The following ROBO2 variants were observed in gnomAD, a reference collection of about 807,000 sequenced individuals.
The protein encoded by ROBO2 is roundabout guidance receptor 2.
A neutral mutation model predicts 160.8 loss-of-function variants in ROBO2; 53 were observed. The ratio of observed to expected loss-of-function variants is 0.33; its 90% CI spans 0.26 to 0.41. The LOEUF is 0.41. Among genes scored for constraint, ROBO2 ranks in the 10% least tolerant of loss-of-function variants. The pLI is 1.00. For missense variants in ROBO2, 1,577 were observed against 1,722.4 expected (o/e 0.92, Z 1.49); for synonymous variants, 664 against 611.7 (o/e 1.09, Z -1.26).
At chr3:76,019,860 G>A (rs1354510180) in intron 2 of ROBO2, among the ~76,000 whole-genome samples, 1 of 142,696 alleles carries the variant, frequency 7.0e-6, no homozygotes, top group Non-Finnish European at 1.5e-5. Flanking sequence ...CTTGGAATTG[G>A]CTAATATTTG....
At chr3:76,111,894 C>A (rs914314182) in intron 2 of ROBO2, among the ~76,000 whole-genome samples, 2 of 152,120 alleles carry the variant, frequency 1.3e-5, no homozygotes, top group East Asian at 3.9e-4. Flanking sequence ...AAGGTCCTCA[C>A]TGAATATTGA....
chr3:77,422,515 A>G (rs1296149408), intron 2 of ROBO2, among the ~76,000 whole-genome samples: 1 of 152,194 alleles, frequency 6.6e-6, no homozygotes, highest in Non-Finnish European at 1.5e-5. Flanking sequence ...TCTGGAATCA[A>G]TCTGTTCCTA....
At chr3:76,211,768 T>C (rs1001534614) in intron 2 of ROBO2, among the ~76,000 whole-genome samples, 92 of 152,194 alleles carry the variant, frequency 6.0e-4, no homozygotes, top group African/African-American at 2.0e-3. Flanking sequence ...CTTTCAATGA[T>C]GGATAAAAGA....
In ROBO2 at chr3:76,896,093, C is replaced by T. The variant is rs74634480; in HGVS notation, c.110-201921C>T. Among the ~76,000 whole-genome samples, 703 of 152,258 alleles carry T rather than the reference C, an allele frequency of 4.6e-3. 9 individuals carry two copies. Among genetic ancestry groups the T allele is most frequent in the African/African-American group, 0.016 (677 of 41,566 alleles). On this transcript the variant is annotated intron_variant, in intron 2 of 26. Transcript: ENST00000487694. ...CATATTTGAGAGTTCAGTGTCTCCT[C>T]CGCCTCTGGCAGAAAGAAAAACCCA...
At chr3:76,887,399 T>C (rs952975188) in intron 2 of ROBO2, among the ~76,000 whole-genome samples, 7 of 151,850 alleles carry the variant, frequency 4.6e-5, no homozygotes, top group African/African-American at 1.5e-4. Flanking sequence ...AAATAAATAA[T>C]AAAATAAAGC....
Position 77,074,048 on chromosome 3 carries a change from A to G in ROBO2, c.62-23966A>G, listed in dbSNP as rs550996946. 2.6e-5 allele frequency among the ~76,000 whole-genome samples: 4 copies of G among 152,348 alleles called. No homozygotes were observed. The East Asian group carries it at 7.7e-4, about 29-fold the overall frequency. On this transcript the variant is annotated intron_variant, in intron 1 of 25. Coordinates refer to ENST00000461745, the Ensembl canonical transcript of ROBO2. Reference sequence around the variant, plus strand: ...TGGAAGTGTTTTACATCACCAGGGAACATCCTGAATGTACAAATGAAGACA... The same window carrying G: ...TGGAAGTGTTTTACATCACCAGGGAGCATCCTGAATGTACAAATGAAGACA...
At chr3:76,861,220 G>A (rs190556182) in intron 2 of ROBO2, among the ~76,000 whole-genome samples, 43 of 152,252 alleles carry the variant, frequency 2.8e-4, no homozygotes, top group African/African-American at 1.0e-3. Flanking sequence ...AAGGGCACTG[G>A]AACTCATATT....
intron 2 of ROBO2, among the ~76,000 whole-genome samples, chr3:76,478,742 C>T (rs901852210): frequency 1.4e-5 from 2 of 143,230 alleles, no homozygotes; most frequent in East Asian, 2.0e-4. Context: ...AGTGCAGTGG[C>T]ATAATTACTG....
chr3:77,053,869 C>T (rs1284809447), intron 1 of ROBO2, among the ~76,000 whole-genome samples: 1 of 152,064 alleles, frequency 6.6e-6, no homozygotes, highest in Non-Finnish European at 1.5e-5. Context: ...GGGATAAGTA[C>T]AGGAGTTGGC....
At chr3:76,890,222 G>T (rs868104179) in intron 2 of ROBO2, among the ~76,000 whole-genome samples, 18 of 92,144 alleles carry the variant, frequency 2.0e-4, no homozygotes, top group African/African-American at 6.9e-4. Flanking sequence ...TTTACATATC[G>T]TATGCTATTT....
chr3:76,810,372 AGT>A (rs1368605466), intron 2 of ROBO2, among the ~76,000 whole-genome samples: 1 of 152,174 alleles, frequency 6.6e-6, no homozygotes, highest in African/African-American at 2.4e-5. Flanking sequence ...CTTGGACCAC[AGT>A]TACTTTTCAA....
chr3:77,324,333 T>A (rs1235442617), intron 2 of ROBO2, among the ~76,000 whole-genome samples: 1 of 152,178 alleles, frequency 6.6e-6, no homozygotes, highest in African/African-American at 2.4e-5. Context: ...CTTTACCAAC[T>A]GTGATGAAAA....
intron 2 of ROBO2, among the ~76,000 whole-genome samples, chr3:76,583,169 T>G (rs145845822): frequency 1.3e-3 from 196 of 152,288 alleles, no homozygotes; most frequent in African/African-American, 4.7e-3. Flanking sequence ...GTTGTAAATA[T>G]CACATGGATT....
intron 2 of ROBO2, among the ~76,000 whole-genome samples, chr3:76,616,317 A>G (rs1287303336): frequency 6.6e-6 from 1 of 152,164 alleles, no homozygotes; most frequent in Non-Finnish European, 1.5e-5. Flanking sequence ...AGCTGAGTTA[A>G]TGTAGAAACT....
At chr3:76,965,811 T>TATATATATATA (rs2059255670) in intron 2 of ROBO2, among the ~76,000 whole-genome samples, 1 of 94,728 alleles carries the variant, frequency 1.1e-5, no homozygotes, top group African/African-American at 5.4e-5. Flanking sequence ...ATATATATAT[T>TATATATATATA]TCTTTAATAT....
chr3:77,109,191 G>A (rs1010369149), intron 2 of ROBO2, among the ~76,000 whole-genome samples: 11 of 152,176 alleles, frequency 7.2e-5, no homozygotes, highest in Admixed American at 7.2e-4. Flanking sequence ...ACCTTCTACT[G>A]GTCGGTACTC....
rs79890844 is a variant in ROBO2 at position 77,498,262 on chromosome 3, C to A, written c.806+4880C>A. On this transcript the variant is annotated intron_variant, in intron 5 of 25. Transcript: ENST00000461745. ...AATAAGAACTTCTCTCTTCCACAGC[C>A]GAGAAAGGAATGTTCATAATAGCTT... Among the ~76,000 whole-genome samples the A allele has an allele frequency of 2.9e-4, 44 of 151,906 alleles. No homozygotes were observed. The East Asian group carries it at 4.8e-3, about 17-fold the overall frequency.
intron 2 of ROBO2, among the ~76,000 whole-genome samples, chr3:76,094,926 C>A (rs903034140): frequency 6.6e-6 from 1 of 152,090 alleles, no homozygotes; most frequent in East Asian, 1.9e-4. Context: ...TGAGATGGGA[C>A]AACTGACTGA....
chr3:76,335,088 T>A (rs2073775509), intron 2 of ROBO2, among the ~76,000 whole-genome samples: 1 of 151,752 alleles, frequency 6.6e-6, no homozygotes, highest in African/African-American at 2.4e-5. Flanking sequence ...CAAGCTAGTC[T>A]CAAACTCCTG....
Sources: allele counts gnomAD v4.1 joint callset (sites outside exome capture counted in the v4.1 genomes callset), GRCh38; gene constraint gnomAD v4.1.1; transcripts MANE v1.5; gene names NCBI Gene and HGNC (gene_info 2026-07-23, HGNC 2026-07-21).